MGRN1: variants seen among roughly 807,000 people sequenced by gnomAD.
MGRN1 encodes E3 ubiquitin-protein ligase MGRN1.
MGRN1 carries 29 observed loss-of-function variants against 69.2 expected under a neutral mutation model. That is an observed-to-expected ratio of 0.42 (90% CI 0.31 to 0.57). The LOEUF (loss-of-function observed/expected upper bound fraction) is 0.57. MGRN1 is among the 20% of genes least tolerant of loss of function. The probability of loss-of-function intolerance (pLI) is 0.15; values close to 1 mark genes in which losing one functional copy is unlikely to be tolerated. For synonymous variants in MGRN1, 470 were observed against 344.2 expected, an observed-to-expected ratio of 1.37 and a Z score of -4.04; for missense variants, 998 against 796.2, an observed-to-expected ratio of 1.25 and a Z score of -3.05.
chr16:4,661,522 A>G (rs987224252), intron 5 of MGRN1, among the ~76,000 whole-genome samples: 2 of 152,178 alleles, frequency 1.3e-5, no homozygotes, highest in Non-Finnish European at 2.9e-5. Context: ...ATTTTGCCAA[A>G]TGGGGAAACT....
rs78832180 is a variant in MGRN1, at chr16:4,671,220, G to A, written c.727-171G>A. The A allele has an allele frequency of 6.9e-3, 4,294 of 620,210 alleles. 26 individuals carry two copies. Among genetic ancestry groups the A allele is most frequent in the Non-Finnish European group, 9.5e-3 (3,347 of 351,876 alleles). 38.4% of individuals were successfully genotyped at this position (620,210 alleles called of 1,614,324 possible). On this transcript the variant is annotated intron_variant, in intron 8 of 16. Coordinates refer to ENST00000262370, the MANE Select transcript of MGRN1 (RefSeq NM_015246.4). The stretch of plus-strand genomic sequence containing the variant: ...TGTTCCAGGTGCTGCTGGTTGGGTG[G>A]GGGCAAGCAGCAGGTTTTCCCTGCC...
Position 4,665,912 on chromosome 16 carries a change from C to T in MGRN1, c.678+761C>T, listed in dbSNP as rs138936218. On this transcript the variant is annotated intron_variant, in intron 7 of 16. Transcript: ENST00000262370. ...TGGCATGATCTTGTCTCACTGCAGC[C>T]TACGCCTCCCGGGTTCATGCCATTC... Among the ~76,000 whole-genome samples the T allele has an allele frequency of 3.8e-3, 579 of 152,064 alleles. 3 individuals carry two copies. The highest frequency in any genetic ancestry group is 0.013 in the African/African-American group (550 of 41,476).
Position 4,652,057 on chromosome 16 carries a change from T to C in MGRN1, c.296+6T>C, listed in dbSNP as rs766202094. 7 of 1,613,186 alleles carry C rather than the reference T, an allele frequency of 4.3e-6. No individual in the cohort carries two copies. In the Admixed American group the frequency reaches 1.2e-4, roughly 27 times the overall value. On this transcript the variant is annotated splice_donor_region_variant and intron_variant, in intron 3 of 16. Transcript: ENST00000262370. ...GACTCCCTGCGGCTGGTGAGGTAACTTCACCCTGCCCCTGGGGACCCTGTG... is the reference window on the plus strand; with the variant it reads ...GACTCCCTGCGGCTGGTGAGGTAACCTCACCCTGCCCCTGGGGACCCTGTG...
intron 7 of MGRN1, among the ~76,000 whole-genome samples, chr16:4,666,814 G>A (rs933385466): frequency 6.6e-6 from 1 of 152,142 alleles, no homozygotes; most frequent in African/African-American, 2.4e-5. Flanking sequence ...TGATGTTCAC[G>A]AGGGCAGCAC....
chr16:4,675,467 T>A (rs1198831099), intron 10 of MGRN1, among the ~76,000 whole-genome samples: 1 of 152,094 alleles, frequency 6.6e-6, no homozygotes, highest in Non-Finnish European at 1.5e-5. Context: ...TAACGCTGGT[T>A]GCAGATCACA....
chr16:4,682,941 C>A lies in MGRN1; in HGVS notation c.1477C>A (p.Pro493Thr). 1 of 1,575,458 alleles carries A rather than the reference C, an allele frequency of 6.3e-7. No homozygotes were observed. Among genetic ancestry groups the A allele is most frequent in the East Asian group, 2.3e-5 (1 of 43,890 alleles). The change falls in exon 14 of 17, where the codon CCT (proline) becomes ACT (threonine). Residue 493 changes from proline to threonine, a missense_variant. By Grantham distance (38) the Pro-to-Thr change is conservative. Transcript: ENST00000262370. ...GCTGGCCCTGCGGGAAAGCAGCTCC[C>A]CTGAGGTGAGGCCCCCCCGGGGAAG... ...AELALRESSS[P>T]ESFITEEVDE... is the part of the protein sequence containing the mutation.
Position 4,627,898 on chromosome 16 carries a change from G to A in MGRN1, c.88+2850G>A, listed in dbSNP as rs555423044. On this transcript the variant is annotated intron_variant, in intron 1 of 16. Coordinates refer to ENST00000262370, the MANE Select transcript of MGRN1 (RefSeq NM_015246.4). ...GATCAAGACCATCCTGGCTAACACC[G>A]TGAAACCCCATCTCTACCAAAAATA... Among the ~76,000 whole-genome samples the A allele has an allele frequency of 8.1e-4, 123 of 151,354 alleles. 3 individuals carry two copies. The highest frequency in any genetic ancestry group is 2.9e-3 in the African/African-American group (120 of 40,958).
At chr16:4,680,346 C>G (rs761698091) in intron 12 of MGRN1, 1 of 490,818 alleles carries the variant, frequency 2.0e-6, no homozygotes, top group East Asian at 3.6e-5. Flanking sequence ...CCCCGCGTGG[C>G]CCCCGTGCCG....
At chr16:4,680,853 C>T (rs1000219895) in intron 12 of MGRN1, among the ~76,000 whole-genome samples, 2 of 152,220 alleles carry the variant, frequency 1.3e-5, no homozygotes, top group Non-Finnish European at 2.9e-5. Context: ...TCTCACTTTC[C>T]CCTTCCTTCC....
At chr16:4,688,629 C>A in intron 16 of MGRN1, 167 bp from the exon 17 acceptor site, 23 of 1,407,398 alleles carry the variant, frequency 1.6e-5, no homozygotes, top group Non-Finnish European at 2.1e-5. Context: ...TAGGGAGTCC[C>A]CGGGCCCTTG....
rs1220508788 is a variant in MGRN1, at chr16:4,664,791, TC to T, written c.628+18del. On this transcript the variant is annotated intron_variant, in intron 6 of 16. Transcript: ENST00000262370. ...GAAGGAGATGGTGAGTGCGTCCTCT[TC>T]CGTCCTCCTGGGCGTGCAGGCCGTG... 1 of 1,613,870 alleles carries T rather than the reference TC, an allele frequency of 6.2e-7. No homozygotes were observed. Among genetic ancestry groups the T allele is most frequent in the African/African-American group, 1.3e-5 (1 of 74,930 alleles).
Position 4,688,865 on chromosome 16 carries a change from G to GCC in MGRN1, c.1691_1692dup (p.Ser565ProfsTer10). On this transcript the variant is annotated frameshift_variant, in exon 17 of 17. Transcript: ENST00000262370. LOFTEE classifies it high-confidence loss of function. ...AGCCCCACCTGGCCTCCACTTGGTG[G>GCC]CCCCAGCCCCGATCCCAGCGCCGCC... The GCC allele has an allele frequency of 1.3e-6, 2 of 1,553,998 alleles. No individual in the cohort carries two copies. Among genetic ancestry groups the GCC allele is most frequent in the African/African-American group, 2.7e-5 (2 of 73,302 alleles).
chr16:4,680,275 G>A (rs947293679), intron 12 of MGRN1, 178 bp downstream of exon 12: 10 of 636,042 alleles, frequency 1.6e-5, no homozygotes, highest in African/African-American at 3.7e-5. Context: ...AAAAGCTCTC[G>A]GTCCGTGGGC....
rs542387720 is a variant in MGRN1 at position 4,649,968 on chromosome 16, G to A, written c.89-397G>A. On this transcript the variant is annotated intron_variant, in intron 1 of 16. Transcript: ENST00000262370. The stretch of plus-strand genomic sequence containing the variant: ...TTTCTCAGGGCCGAGCTTCTTGGCC[G>A]TCAGATGTTCCCACCAGGCTGTGTT... The A allele has an allele frequency of 5.3e-4, 87 of 163,062 alleles. 1 individual carries two copies. The South Asian group carries it at 5.8e-3, about 11-fold the overall frequency. 10.1% of individuals were successfully genotyped at this position (163,062 alleles called of 1,614,324 possible). A position where few individuals can be genotyped will look rare whatever the true frequency, so the allele number is the denominator to read the frequency against.
At chr16:4,664,946 A>G (rs964156725) in intron 6 of MGRN1, among the ~76,000 whole-genome samples, 156 bp from the exon 7 acceptor site, 1 of 152,126 alleles carries the variant, frequency 6.6e-6, no homozygotes, top group African/African-American at 2.4e-5. Context: ...AGGAGGTGGA[A>G]AGTGCAGGAG....
chr16:4,683,959 G>C (rs1184773125), intron 16 of MGRN1, 27 bp downstream of exon 16: 2 of 1,474,700 alleles, frequency 1.4e-6, no homozygotes, highest in Admixed American at 1.9e-5. Context: ...CTGGGGGTGA[G>C]GGGCTGGGTG....
chr16:4,688,460 C>T (rs2079384124), intron 16 of MGRN1: 2 of 1,110,480 alleles, frequency 1.8e-6, no homozygotes, highest in Non-Finnish European at 2.2e-6. Flanking sequence ...AGTGGCTGGC[C>T]ACATCCCAGG....
At chr16:4,682,720 C>A in intron 13 of MGRN1, 103 bp from the exon 14 acceptor site, 1 of 1,322,118 alleles carries the variant, frequency 7.6e-7, no homozygotes, top group South Asian at 1.8e-5. Flanking sequence ...TGGGTCCTGG[C>A]AGGCGTGTGC....
intron 7 of MGRN1, among the ~76,000 whole-genome samples, chr16:4,665,483 C>T (rs2078783000): frequency 6.6e-6 from 1 of 151,528 alleles, no homozygotes; most frequent in South Asian, 2.1e-4. Flanking sequence ...ATTCTCCCAC[C>T]TCAACCTCCC....
Sources: allele counts gnomAD v4.1 joint callset (sites outside exome capture counted in the v4.1 genomes callset), GRCh38; gene constraint gnomAD v4.1.1; transcripts MANE v1.5; gene names NCBI Gene and HGNC (gene_info 2026-07-23, HGNC 2026-07-21).